The following LRRC8C variants were observed in gnomAD, a reference collection of about 807,000 sequenced individuals.
The protein encoded by LRRC8C is leucine rich repeat containing 8 VRAC subunit C.
In LRRC8C, 20 loss-of-function variants were observed where a neutral mutation model predicts 55.3. The observed-to-expected ratio is 0.36, with a 90% CI of 0.25 to 0.53. LRRC8C has a LOEUF of 0.53. Ranked by LOEUF, LRRC8C falls within the 20% of genes least tolerant of loss-of-function variation. The probability of loss-of-function intolerance (pLI) is 0.92; values close to 1 mark genes in which losing one functional copy is unlikely to be tolerated. For missense variants in LRRC8C, 659 were observed against 951.4 expected (o/e 0.69, Z 4.04); for synonymous variants, 376 against 360.7 (o/e 1.04, Z -0.48).
In LRRC8C at chr1:89,685,605, G is replaced by A. The variant is rs529918575; in HGVS notation, c.-4-865G>A. Reference sequence around the variant, plus strand: ...GCAGGATGATTAACCTCAAGTCCTGGGTCACACTAAAGGCAGTAAGAATGA... The same window carrying A: ...GCAGGATGATTAACCTCAAGTCCTGAGTCACACTAAAGGCAGTAAGAATGA... On this transcript the variant is annotated intron_variant, in intron 1 of 2. Transcript: ENST00000370454. Among the ~76,000 whole-genome samples the A allele has an allele frequency of 2.6e-5, 4 of 152,200 alleles. No individual in the cohort carries two copies. The South Asian group carries it at 8.3e-4, about 32-fold the overall frequency.
the LRRC8C span, among the ~76,000 whole-genome samples, chr1:89,625,595 G>A: frequency 3.3e-5 from 5 of 152,132 alleles, no homozygotes; most frequent in African/African-American, 7.2e-5. Flanking sequence ...TGGCTTTCAC[G>A]GACAGAGCAT....
intron 1 of LRRC8C, among the ~76,000 whole-genome samples, chr1:89,647,280 C>T (rs183477032): frequency 0.019 from 2,832 of 152,196 alleles, 101 homozygotes; most frequent in African/African-American, 0.064. Flanking sequence ...ATCAAAGTGC[C>T]TCCTCCTTTT....
upstream of LRRC8C, among the ~76,000 whole-genome samples, chr1:89,632,483 GT>G (rs1656134038): frequency 6.6e-6 from 1 of 152,186 alleles, no homozygotes; most frequent in Admixed American, 6.5e-5. Flanking sequence ...AGGATATTGG[GT>G]TTTGCTTTTC....
At position 89,712,744 on chromosome 1, in the gene LRRC8C, A is replaced by T; in HGVS notation, c.174A>T (p.Arg58Ser). The T allele has an allele frequency of 6.2e-7, 1 of 1,614,190 alleles. No homozygotes were observed. ...ACAAGATAATCTGCCTTCCGAAAAG[A>T]GTGCAGCCTGCTCAGAACCACTCTT... ...MQDKIICLPK[R>S]VQPAQNHSSL... The change falls in exon 3 of 3, where the codon AGA (arginine) becomes AGT (serine). Residue 58 changes from arginine (R) to serine (S), a missense_variant. By Grantham distance (110) the Arg-to-Ser change is moderately radical. Around this residue, in one of 5 missense-constraint regions of LRRC8C, gnomAD observed 82 missense variants for 71.4 expected, o/e 1.15. Transcript: ENST00000370454.
At chr1:89,617,357 C>T in the LRRC8C span, among the ~76,000 whole-genome samples, 1 of 152,184 alleles carries the variant, frequency 6.6e-6, no homozygotes, top group Non-Finnish European at 1.5e-5. Flanking sequence ...ATTGCCTTGC[C>T]CTAAGCTAGT....
At chr1:89,659,846 G>A (rs1657064009) in intron 1 of LRRC8C, among the ~76,000 whole-genome samples, 1 of 152,172 alleles carries the variant, frequency 6.6e-6, no homozygotes, top group African/African-American at 2.4e-5. Context: ...TAGGTCAGGG[G>A]CTGGGCATGC....
intron 1 of LRRC8C, among the ~76,000 whole-genome samples, chr1:89,673,142 T>C (rs570500939): frequency 6.2e-4 from 94 of 152,334 alleles, no homozygotes; most frequent in African/African-American, 2.2e-3. Context: ...AAGTTTTAAT[T>C]GAATTCCTAT....
At chr1:89,626,185 G>GCTATATCTTA in the LRRC8C span, 1 of 152,116 alleles carries the variant, frequency 6.6e-6, no homozygotes, top group Non-Finnish European at 1.5e-5. Flanking sequence ...GTGATATTTA[G>GCTATATCTTA]GTGCAAAGAA....
intron 1 of LRRC8C, among the ~76,000 whole-genome samples, chr1:89,662,511 A>AC (rs1286991275): frequency 1.3e-5 from 2 of 152,220 alleles, no homozygotes; most frequent in Non-Finnish European, 2.9e-5. Context: ...AAGTGGAGAG[A>AC]CTAATCAGGA....
intron 2 of LRRC8C, among the ~76,000 whole-genome samples, chr1:89,707,822 C>T (rs1169064213): frequency 6.6e-6 from 1 of 152,010 alleles, no homozygotes; most frequent in Non-Finnish European, 1.5e-5. Flanking sequence ...CCTGATTCAC[C>T]TCCTCCTACT....
At chr1:89,685,734 G>C (rs899516127) in intron 1 of LRRC8C, among the ~76,000 whole-genome samples, 3 of 152,128 alleles carry the variant, frequency 2.0e-5, no homozygotes, top group African/African-American at 7.2e-5. Flanking sequence ...TTTGGTTAAA[G>C]ATAGGAGTTT....
At chr1:89,639,856 G>T (rs1656406716) in intron 1 of LRRC8C, among the ~76,000 whole-genome samples, 1 of 152,188 alleles carries the variant, frequency 6.6e-6, no homozygotes, top group Admixed American at 6.5e-5. Flanking sequence ...AAATTTGAAA[G>T]TATACTTAGA....
At chr1:89,700,093 C>T (rs1477516427) in intron 2 of LRRC8C, among the ~76,000 whole-genome samples, 1 of 152,094 alleles carries the variant, frequency 6.6e-6, no homozygotes, top group African/African-American at 2.4e-5. Flanking sequence ...AATTCCTTTC[C>T]CTTCTATTTC....
At chr1:89,628,392 T>C (rs1656026705), upstream of LRRC8C, among the ~76,000 whole-genome samples, 1 of 152,126 alleles carries the variant, frequency 6.6e-6, no homozygotes, top group African/African-American at 2.4e-5. Flanking sequence ...ATTCCTTTAT[T>C]ATTATTTTTA....
upstream of LRRC8C, chr1:89,629,644 T>C (rs1054340565): frequency 1.7e-4 from 26 of 152,358 alleles, 2 homozygotes; most frequent in Admixed American, 9.1e-4. Context: ...AAACTCATTA[T>C]TTCAATATTT....
At chr1:89,680,203 G>C (rs1003859897) in intron 1 of LRRC8C, among the ~76,000 whole-genome samples, 1 of 151,390 alleles carries the variant, frequency 6.6e-6, no homozygotes, top group African/African-American at 2.4e-5. Flanking sequence ...TCAGCCTCCC[G>C]AGTAGCTGGG....
chr1:89,682,453 AAAGG>A (rs1409951613), intron 1 of LRRC8C, among the ~76,000 whole-genome samples: 1 of 152,194 alleles, frequency 6.6e-6, no homozygotes, highest in African/African-American at 2.4e-5. Flanking sequence ...AGACTTAGAT[AAAGG>A]AACAGTGACC....
chr1:89,685,902 C>T (rs1412365712), intron 1 of LRRC8C, among the ~76,000 whole-genome samples: 1 of 152,102 alleles, frequency 6.6e-6, no homozygotes, highest in Non-Finnish European at 1.5e-5. Context: ...AATCCACCAC[C>T]ATCAATAAGA....
chr1:89,686,389 G>A (rs1657883860), intron 1 of LRRC8C, 81 bp from the exon 2 acceptor site: 11 of 1,448,778 alleles, frequency 7.6e-6, no homozygotes, highest in Non-Finnish European at 6.7e-6. Context: ...CTGCTGTGAG[G>A]AGTTGGAGCC....
Sources: allele counts gnomAD v4.1 joint callset (sites outside exome capture counted in the v4.1 genomes callset), GRCh38; gene constraint gnomAD v4.1.1; regional missense constraint gnomAD v4.1.1; transcripts MANE v1.5; gene names NCBI Gene and HGNC (gene_info 2026-07-23, HGNC 2026-07-21).